ZNF692: variants seen among roughly 807,000 people sequenced by gnomAD.
The protein encoded by ZNF692 is AICAR responsive element binding protein.
A neutral mutation model predicts 49.0 loss-of-function variants in ZNF692; 41 were observed. That is an observed-to-expected ratio of 0.84 (90% CI 0.65 to 1.08). The LOEUF is 1.08. Among genes scored for constraint, ZNF692 ranks in the 50% least tolerant of loss-of-function variants. The probability of loss-of-function intolerance (pLI) is 0.00; values close to 1 mark genes in which losing one functional copy is unlikely to be tolerated. For synonymous variants in ZNF692, 288 were observed against 251.5 expected (o/e 1.15, Z -1.37); for missense variants, 662 against 662.2 (o/e 1.00, Z 0.00).
At position 248,855,889 on chromosome 1, in the gene ZNF692, C is replaced by G. The variant is rs770185355; in HGVS notation, c.717G>C (p.Glu239Asp). The G allele has an allele frequency of 4.3e-6, 7 of 1,614,036 alleles. No individual in the cohort carries two copies. Among genetic ancestry groups the G allele is most frequent in the Admixed American group, 1.7e-5 (1 of 60,006 alleles). The stretch of plus-strand genomic sequence containing the variant: ...CTGCAGGGGCTGGTGGTGTCTCCCC[C>G]TCTTTAGGTGTGCAGGTGACAGGGG... ...LPSPVTCTPKEGETPPAPAAL... is the reference protein window; with the variant it reads ...LPSPVTCTPKDGETPPAPAAL... The change falls in exon 7 of 12, where the codon GAG (glutamate) becomes GAC (aspartate). Residue 239 changes from glutamate (E) to aspartate (D), a missense_variant. Transcript: ENST00000306601.
chr1:248,852,789 T>C (rs1455011266), intron 10 of ZNF692, among the ~76,000 whole-genome samples: 1 of 151,976 alleles, frequency 6.6e-6, no homozygotes, highest in Admixed American at 6.6e-5. Context: ...CAAATACCAC[T>C]CTCTTCATCT....
chr1:248,855,490 C>T lies in ZNF692; in HGVS notation c.960-32G>A, dbSNP rs557231069. On this transcript the variant is annotated intron_variant, in intron 8 of 11. Coordinates refer to ENST00000306601, the MANE Select transcript of ZNF692 (RefSeq NM_017865.4). ...AGAAGAATGGAAAGGAGCAGCATGA[C>T]TCCTGCCTGCCCTTCTCTGCCTCCC... is the stretch of plus-strand genomic sequence containing the variant. The T allele has an allele frequency of 2.0e-5, 33 of 1,613,946 alleles. 1 individual carries two copies. The Admixed American group carries it at 5.0e-4, about 24-fold the overall frequency.
intron 11 of ZNF692, 67 bp downstream of exon 11, chr1:248,850,615 G>A (rs1572206534): frequency 6.2e-7 from 1 of 1,603,142 alleles, no homozygotes; most frequent in East Asian, 2.2e-5. Context: ...TGTCCTATAT[G>A]CCTAGCTTCC....
chr1:248,852,425 AC>A (rs1659708280), intron 10 of ZNF692, among the ~76,000 whole-genome samples: 1 of 151,706 alleles, frequency 6.6e-6, no homozygotes, highest in East Asian at 1.9e-4. Context: ...CTCAAGACCA[AC>A]CCCTTCTCAC....
At chr1:248,856,129 A>G in intron 6 of ZNF692, 159 bp downstream of exon 6, 1 of 1,300,496 alleles carries the variant, frequency 7.7e-7, no homozygotes, top group Non-Finnish European at 1.0e-6. Context: ...ACCCCTTTTC[A>G]CCCCCTCAGT....
chr1:248,854,166 T>C, intron 9 of ZNF692, 115 bp from the exon 10 acceptor site: 1 of 739,126 alleles, frequency 1.4e-6, no homozygotes, highest in Non-Finnish European at 2.4e-6. Flanking sequence ...TCCTGGCCCC[T>C]GTGCCCCAGC....
chr1:248,853,847 G>A, intron 10 of ZNF692, 90 bp downstream of exon 10: 2 of 937,996 alleles, frequency 2.1e-6, no homozygotes, highest in Non-Finnish European at 3.4e-6. Flanking sequence ...CGTAGAGGGG[G>A]AGGTGAAGAA....
intron 10 of ZNF692, among the ~76,000 whole-genome samples, chr1:248,852,485 G>A (rs937107637): frequency 2.0e-5 from 3 of 152,062 alleles, no homozygotes; most frequent in East Asian, 3.9e-4. Flanking sequence ...CTTTCTCTAT[G>A]GAATCATTCC....
intron 10 of ZNF692, among the ~76,000 whole-genome samples, chr1:248,851,974 C>G (rs1024789872): frequency 2.0e-5 from 3 of 152,148 alleles, no homozygotes; most frequent in African/African-American, 7.2e-5. Flanking sequence ...TTCTTTCATT[C>G]ACACTACCAA....
chr1:248,853,325 T>G (rs1223818653), intron 10 of ZNF692, among the ~76,000 whole-genome samples: 1 of 152,146 alleles, frequency 6.6e-6, no homozygotes, highest in African/African-American at 2.4e-5. Context: ...ACAATGATCT[T>G]TTAAAAAGCC....
At chr1:248,857,653 G>A in intron 3 of ZNF692, 156 bp from the exon 4 acceptor site, 2 of 1,467,394 alleles carry the variant, frequency 1.4e-6, no homozygotes, top group Non-Finnish European at 1.8e-6. Flanking sequence ...ACTAGATCCT[G>A]AGACATTGCT....
At chr1:248,854,391 C>G (rs1476351358) in intron 9 of ZNF692, 1 of 228,152 alleles carries the variant, frequency 4.4e-6, no homozygotes, top group Admixed American at 5.1e-5. Context: ...CCTGGTTCAC[C>G]TAATCATGAA....
chr1:248,858,054 GCAGGA>G lies in ZNF692; in HGVS notation c.179+72_179+76del. 1 of 1,552,076 alleles carries G rather than the reference GCAGGA, an allele frequency of 6.4e-7. No individual in the cohort carries two copies. Among genetic ancestry groups the G allele is most frequent in the South Asian group, 1.2e-5 (1 of 85,824 alleles). ...AGAAACCTGAGGGTGGAAAAGAGCA[GCAGGA>G]CAGGCCCTGGAGAGGAGGCTAGGGG... is the stretch of plus-strand genomic sequence containing the variant. On this transcript the variant is annotated intron_variant, in intron 2 of 11. Coordinates refer to ENST00000306601, the MANE Select transcript of ZNF692 (RefSeq NM_017865.4). The surrounding 1 kb of genome is among the most constrained non-coding windows in gnomAD (Gnocchi z 4.3).
intron 11 of ZNF692, 38 bp downstream of exon 11, chr1:248,850,644 T>C: frequency 6.2e-7 from 1 of 1,612,214 alleles, no homozygotes; most frequent in Middle Eastern, 1.7e-4. Context: ...CCTCCTCCCT[T>C]CTAGCCCCTG....
In ZNF692 at chr1:248,858,634, A is replaced by T. The variant is rs1019015524; in HGVS notation, c.-13+284T>A. ...CGAGAGACTTTCACGGGAAATTTCAACTGGGCTGGGGGCGGTCCACACATT... is the reference window on the plus strand; with the variant it reads ...CGAGAGACTTTCACGGGAAATTTCATCTGGGCTGGGGGCGGTCCACACATT... On this transcript the variant is annotated intron_variant, in intron 1 of 11. Coordinates refer to ENST00000306601, the MANE Select transcript of ZNF692 (RefSeq NM_017865.4). The surrounding 1 kb of genome is among the most constrained non-coding windows in gnomAD (Gnocchi z 4.3). The T allele has an allele frequency of 1.2e-5, 16 of 1,383,832 alleles. No individual in the cohort carries two copies. The highest frequency in any genetic ancestry group is 1.4e-5 in the Non-Finnish European group (14 of 995,298). The allele number at this position is 1,383,832 out of a possible 1,614,324, so 85.7% of individuals were successfully genotyped here.
Position 248,858,817 on chromosome 1 carries a change from C to A in ZNF692, c.-13+101G>T. 1.8e-6 allele frequency: 1 copy of A among 562,686 alleles called. No homozygotes were observed. The highest frequency in any genetic ancestry group is 3.0e-5 in the East Asian group (1 of 32,938). The allele number at this position is 562,686 out of a possible 1,614,324, so 34.9% of individuals were successfully genotyped here. A position where few individuals can be genotyped will look rare whatever the true frequency, so the allele number is the denominator to read the frequency against. Reference sequence around the variant, plus strand: ...CCCCCCATCCACCCCGTCTTGGGCACCCCCACTTAATGCTGACAGTGAGTG... The same window carrying A: ...CCCCCCATCCACCCCGTCTTGGGCAACCCCACTTAATGCTGACAGTGAGTG... On this transcript the variant is annotated intron_variant, in intron 1 of 11. Transcript: ENST00000306601. This position sits in a 1 kb window ranked among gnomAD's most constrained non-coding sequence, Gnocchi z 4.3.
intron 10 of ZNF692, among the ~76,000 whole-genome samples, chr1:248,853,465 C>G (rs950432501): frequency 4.6e-5 from 7 of 152,200 alleles, no homozygotes; most frequent in Non-Finnish European, 7.3e-5. Flanking sequence ...AGCTCCTGGC[C>G]TCTTCCCTAT....
At chr1:248,856,797 TAAG>T (rs1660295983) in intron 4 of ZNF692, among the ~76,000 whole-genome samples, 1 of 152,168 alleles carries the variant, frequency 6.6e-6, no homozygotes, top group African/African-American at 2.4e-5. Context: ...CAGAGACTTT[TAAG>T]AAGGAGGAGG....
chr1:248,854,239 C>A, intron 9 of ZNF692, 188 bp from the exon 10 acceptor site: 1 of 565,806 alleles, frequency 1.8e-6, no homozygotes, highest in East Asian at 3.0e-5. Context: ...ACCATGAGTA[C>A]CACACCCATC....
Sources: allele counts gnomAD v4.1 joint callset (sites outside exome capture counted in the v4.1 genomes callset), GRCh38; gene constraint gnomAD v4.1.1; non-coding constraint Gnocchi (gnomAD v3.1); transcripts MANE v1.5; gene names NCBI Gene and HGNC (gene_info 2026-07-23, HGNC 2026-07-21).